The following ITGA7 variants were observed in gnomAD, a reference collection of about 807,000 sequenced individuals.
ITGA7 encodes integrin subunit alpha 7.
ITGA7 carries 84 observed loss-of-function variants against 131.6 expected under a neutral mutation model. That is an observed-to-expected ratio of 0.64 (90% CI 0.54 to 0.77). The LOEUF (loss-of-function observed/expected upper bound fraction) is 0.77. Among genes scored for constraint, ITGA7 ranks in the 30% least tolerant of loss-of-function variants. ITGA7 has a pLI of 0.00. For missense variants in ITGA7, 1,399 were observed against 1,482.9 expected, an observed-to-expected ratio of 0.94 and a Z score of 0.93; for synonymous variants, 548 against 600.7, an observed-to-expected ratio of 0.91 and a Z score of 1.28.
upstream of ITGA7, among the ~76,000 whole-genome samples, chr12:55,712,911 C>T (rs1876237463): frequency 1.3e-5 from 2 of 152,164 alleles, no homozygotes; most frequent in Admixed American, 6.5e-5. Flanking sequence ...GCAGTCTCTA[C>T]ACCGATTGTG....
intron 21 of ITGA7, among the ~76,000 whole-genome samples, chr12:55,690,972 G>T (rs1871303524): frequency 6.6e-6 from 1 of 151,966 alleles, no homozygotes; most frequent in South Asian, 2.1e-4. Context: ...ACTGTTGTGG[G>T]GTGGGGGCAG....
At chr12:55,712,472 C>T (rs1348313764), upstream of ITGA7, 2 of 593,184 alleles carry the variant, frequency 3.4e-6, no homozygotes, top group Admixed American at 3.0e-5. Context: ...TTTGGCCCAG[C>T]CAGTCAGTTT....
intron 10 of ITGA7, 41 bp downstream of exon 10, chr12:55,697,410 G>T: frequency 6.3e-7 from 1 of 1,591,254 alleles, no homozygotes; most frequent in Non-Finnish European, 8.6e-7. Context: ...GGAGGGCAGG[G>T]GAAGCTGCCA....
intron 21 of ITGA7, among the ~76,000 whole-genome samples, chr12:55,691,601 T>C (rs1279643253): frequency 5.3e-5 from 8 of 152,232 alleles, no homozygotes; most frequent in Non-Finnish European, 7.3e-5. Flanking sequence ...ATAATTTTTG[T>C]CATTTAAATA....
At chr12:55,695,068 G>C in intron 14 of ITGA7, 98 bp from the exon 15 acceptor site, 1 of 1,237,248 alleles carries the variant, frequency 8.1e-7, no homozygotes, top group South Asian at 1.3e-5. Flanking sequence ...CACTCCCTGA[G>C]CCTCTCTTCC....
upstream of ITGA7, chr12:55,712,325 G>A: frequency 7.8e-7 from 1 of 1,277,582 alleles, no homozygotes; most frequent in South Asian, 1.3e-5. Context: ...CCAACATTTG[G>A]AACTTAGCCA....
At chr12:55,700,201 G>A (rs1194307673) in intron 4 of ITGA7, 1 of 1,544,046 alleles carries the variant, frequency 6.5e-7, no homozygotes, top group Non-Finnish European at 8.8e-7. Context: ...AGCATGGAGA[G>A]AGAGGACAAG....
At position 55,685,149 on chromosome 12, in the gene ITGA7, C is replaced by A; in HGVS notation, c.3323G>T (p.Arg1108Leu). The part of the protein sequence containing the change: ...TILRNNWGSP[R>L]REGPDAHPIL... ...GGGGTGTGCATCCGGGCCCTCCCGCCGGGGGCTGCCCCAGTTGTTCCTCAG... is the reference window on the plus strand; with the variant it reads ...GGGGTGTGCATCCGGGCCCTCCCGCAGGGGGCTGCCCCAGTTGTTCCTCAG... Residue 1108 changes from arginine to leucine, a missense_variant, in exon 25 of 25, where the codon CGG becomes CTG. Transcript: ENST00000257879. 6.2e-7 allele frequency: 1 copy of A among 1,613,856 alleles called. No homozygotes were observed. The highest frequency in any genetic ancestry group is 2.2e-5 in the East Asian group (1 of 44,890).
rs775308881 is a variant in ITGA7, at chr12:55,696,313, A to C, written c.1857T>G (p.Asn619Lys). The change falls in exon 13 of 25, where the codon AAT becomes AAG. Residue 619 changes from asparagine (N) to lysine (K), a missense_variant. Transcript: ENST00000257879. ...CCCGCTGGGTGCTGGGCTGGTGGGC[A>C]TTGAGGATGGGGGCCACTGGAGGCA... ...QGLPPVAPIL[N>K]AHQPSTQRAE... 3.8e-6 allele frequency: 6 copies of C among 1,581,604 alleles called. No individual in the cohort carries two copies. Among genetic ancestry groups the C allele is most frequent in the East Asian group, 2.3e-5 (1 of 43,456 alleles).
chr12:55,711,124 AG>A (rs1243228503), upstream of ITGA7, among the ~76,000 whole-genome samples: 2 of 152,224 alleles, frequency 1.3e-5, no homozygotes, highest in African/African-American at 4.8e-5. Flanking sequence ...TGTCACCATT[AG>A]GGGAAACTGA....
chr12:55,700,790 A>G lies in ITGA7; in HGVS notation c.670+109T>C, dbSNP rs1009223512. ...GAAGGCATGGCAGTGCCCTGGGGCC[A>G]TACAGCAGTGCACATGTGGTCATGC... On this transcript the variant is annotated intron_variant, in intron 4 of 24. Coordinates refer to ENST00000257879, the MANE Select transcript of ITGA7 (RefSeq NM_002206.3). The G allele has an allele frequency of 3.6e-6, 5 of 1,403,986 alleles. No individual in the cohort carries two copies. The African/African-American group carries it at 7.1e-5, about 20-fold the overall frequency. The allele number at this position is 1,403,986 out of a possible 1,614,324, so 87.0% of individuals were successfully genotyped here.
At chr12:55,713,693 C>A (rs1046824266), upstream of ITGA7, among the ~76,000 whole-genome samples, 1 of 152,224 alleles carries the variant, frequency 6.6e-6, no homozygotes, top group Non-Finnish European at 1.5e-5. Flanking sequence ...CACATACACA[C>A]AGTATCTAAC....
In ITGA7 at chr12:55,688,940, C is replaced by T. The variant is rs373439927; in HGVS notation, c.2862G>A (p.Thr954=). ...KNITLDCARG[T]ANCVVFSCPL... is the part of the protein sequence containing the mutation. Reference sequence around the variant, plus strand: ...GGCAGCTGAACACCACACAGTTGGCCGTGCCCCGGGCGCAGTCCTAGGGAT... The same window carrying T: ...GGCAGCTGAACACCACACAGTTGGCTGTGCCCCGGGCGCAGTCCTAGGGAT... Residue 954 remains threonine (T), a synonymous_variant, in exon 22 of 25, where the codon ACG becomes ACA. Transcript: ENST00000257879. The T allele has an allele frequency of 1.4e-5, 23 of 1,613,722 alleles. No homozygotes were observed. The highest frequency in any genetic ancestry group is 4.4e-5 in the South Asian group (4 of 91,060).
chr12:55,716,322 G>T, upstream of ITGA7: 1 of 1,494,732 alleles, frequency 6.7e-7, no homozygotes. Context: ...GGGCATGGGG[G>T]AGAGGGAATT....
At chr12:55,712,340 A>G (rs1876198631), upstream of ITGA7, 1 of 1,016,716 alleles carries the variant, frequency 9.8e-7, no homozygotes, top group Non-Finnish European at 1.5e-6. Flanking sequence ...TAGCCACACC[A>G]CCACCAACCC....
At chr12:55,708,720 G>C (rs1875728787), upstream of ITGA7, among the ~76,000 whole-genome samples, 1 of 152,196 alleles carries the variant, frequency 6.6e-6, no homozygotes, top group African/African-American at 2.4e-5. Flanking sequence ...CTGGACCCAA[G>C]AGGCAGAGGG....
In ITGA7 at chr12:55,694,129, G is replaced by A. The variant is rs371922720; in HGVS notation, c.2433-6C>T. ...GTTGCTGGGGAATGGCCATTCTGGC[G>A]TGGAGAGGTCAGAACAGGGGTGAGA... On this transcript the variant is annotated splice_region_variant and splice_polypyrimidine_tract_variant and intron_variant, in intron 18 of 24. Transcript: ENST00000257879. This position sits in a 1 kb window ranked among gnomAD's most constrained non-coding sequence, Gnocchi z 5.3. 7.2e-5 allele frequency: 116 copies of A among 1,613,470 alleles called. No individual in the cohort carries two copies. The highest frequency in any genetic ancestry group is 1.0e-4 in the Admixed American group (6 of 60,038).
rs1870773594 is a variant in ITGA7, at chr12:55,688,701, G to C, written c.2958+143C>G. 5 of 699,596 alleles carry C rather than the reference G, an allele frequency of 7.1e-6. No individual in the cohort carries two copies. The Admixed American group carries it at 1.1e-4, about 15-fold the overall frequency. The allele number at this position is 699,596 out of a possible 1,614,324, so 43.3% of individuals were successfully genotyped here. A position where few individuals can be genotyped will look rare whatever the true frequency, so the allele number is the denominator to read the frequency against. On this transcript the variant is annotated intron_variant, in intron 22 of 24. Coordinates refer to ENST00000257879, the MANE Select transcript of ITGA7 (RefSeq NM_002206.3). ...TCGCACCACTGCACTCCAGCCTGGG[G>C]GACAAAGGAAGACTCCGTCTCAAAA... is the stretch of plus-strand genomic sequence containing the variant.
chr12:55,715,527 GAC>G (rs923748193), upstream of ITGA7, among the ~76,000 whole-genome samples: 103 of 152,282 alleles, frequency 6.8e-4, 2 homozygotes, highest in African/African-American at 2.3e-3. Context: ...ACCACAAAAG[GAC>G]AGAGATGAAA....
Sources: gnomAD v4.1 joint callset for allele counts (sites outside exome capture counted in the v4.1 genomes callset) on GRCh38, gnomAD v4.1.1 for gene constraint, Gnocchi (gnomAD v3.1) non-coding constraint, MANE v1.5 for transcripts, NCBI Gene and HGNC (gene_info 2026-07-23, HGNC 2026-07-21) for gene names.